ARMC2: variants seen among roughly 807,000 people sequenced by gnomAD.
ARMC2 encodes armadillo repeat containing 2.
ARMC2 carries 67 observed loss-of-function variants against 90.3 expected under a neutral mutation model. The ratio of observed to expected loss-of-function variants is 0.74; its 90% confidence interval spans 0.61 to 0.91. ARMC2 has a LOEUF of 0.91. Among genes scored for constraint, ARMC2 ranks in the 40% least tolerant of loss-of-function variants. ARMC2 has a pLI of 0.00. For synonymous variants in ARMC2, 393 were observed against 393.0 expected, an observed-to-expected ratio of 1.00 and a Z score of 0.00; for missense variants, 920 against 1,030.9, an observed-to-expected ratio of 0.89 and a Z score of 1.47.
At chr6:109,002,807 G>A in the ARMC2 span, among the ~76,000 whole-genome samples, 19 of 152,248 alleles carry the variant, frequency 1.2e-4, no homozygotes, top group South Asian at 1.0e-3. Context: ...AACACCTCAC[G>A]GTTAGAATGT....
chr6:108,858,671 C>T (rs1010495364), intron 3 of ARMC2, among the ~76,000 whole-genome samples: 1 of 145,516 alleles, frequency 6.9e-6, no homozygotes, highest in Non-Finnish European at 1.5e-5. Context: ...TATGTAGTCT[C>T]TCTATATATA....
chr6:109,022,411 CTTTTTTTTTTTTTTTTTTT>C, the ARMC2 span, among the ~76,000 whole-genome samples: 1 of 65,870 alleles, frequency 1.5e-5, no homozygotes, highest in Non-Finnish European at 2.7e-5. Context: ...TGTTCTAAAG[CTTTTTTTTTTTTTTTTTTT>C]TTTTTTTTTT....
intron 12 of ARMC2, among the ~76,000 whole-genome samples, chr6:108,949,487 CAT>C (rs745942415): frequency 1.4e-4 from 21 of 152,172 alleles, no homozygotes; most frequent in Non-Finnish European, 2.4e-4. Flanking sequence ...AACTAGAATT[CAT>C]ATAGTCTTTC....
chr6:108,914,699 A>T (rs905946544), intron 10 of ARMC2, among the ~76,000 whole-genome samples: 2 of 152,204 alleles, frequency 1.3e-5, no homozygotes, highest in Non-Finnish European at 2.9e-5. Context: ...TCATTTGCAG[A>T]ATCCCCTGAA....
At chr6:109,017,032 T>A in the ARMC2 span, among the ~76,000 whole-genome samples, 1 of 152,156 alleles carries the variant, frequency 6.6e-6, no homozygotes, top group South Asian at 2.1e-4. Flanking sequence ...ATATATTTTA[T>A]ATTTTATATG....
Position 108,854,207 on chromosome 6 carries a change from T to C in ARMC2, c.-43-18T>C. Reference sequence around the variant, plus strand: ...CCTGGACAAAAATAATGATGGTTTTTGTACCATGTATTTGCAGGGTGTGGT... The same window carrying C: ...CCTGGACAAAAATAATGATGGTTTTCGTACCATGTATTTGCAGGGTGTGGT... On this transcript the variant is annotated intron_variant, in intron 1 of 17. Transcript: ENST00000392644. 1 of 1,311,906 alleles carries C rather than the reference T, an allele frequency of 7.6e-7. No individual in the cohort carries two copies. Among genetic ancestry groups the C allele is most frequent in the Non-Finnish European group, 1.1e-6 (1 of 938,130 alleles). The allele number at this position is 1,311,906 out of a possible 1,614,324, so 81.3% of individuals were successfully genotyped here.
chr6:108,876,272 A>T lies in ARMC2; in HGVS notation c.593A>T (p.Asp198Val). 1 of 1,612,944 alleles carries T rather than the reference A, an allele frequency of 6.2e-7. No individual in the cohort carries two copies. Among genetic ancestry groups the T allele is most frequent in the South Asian group, 1.1e-5 (1 of 90,622 alleles). ...LKSHPLQLTD[D>V]GGFSEIKEQE... ...AGTCACCCACTTCAGCTAACTGATG[A>T]TGGAGGCTTCAGTGAAATAAAGGAG... Residue 198 changes from aspartate to valine, a missense_variant, in exon 5 of 18, where the codon GAT (aspartate) becomes GTT (valine). By Grantham distance (152) the Asp-to-Val change is radical. Coordinates refer to ENST00000392644, the MANE Select transcript of ARMC2 (RefSeq NM_032131.6).
In ARMC2 at chr6:108,965,060, G is replaced by C; in HGVS notation, c.2366G>C (p.Ser789Thr). Residue 789 changes from serine to threonine, a missense_variant, in exon 17 of 18, where the codon AGT becomes ACT. Ser to Thr is a moderately conservative substitution (Grantham distance 58, BLOSUM62 1). Coordinates refer to ENST00000392644, the MANE Select transcript of ARMC2 (RefSeq NM_032131.6). ...CLVCKTLWNF[S>T]ENITNASSCF... ...GTTTGTAAAACTTTATGGAACTTCA[G>C]TGAAAACATCACTAATGCTTCGTCA... 6.2e-7 allele frequency: 1 copy of C among 1,613,716 alleles called. No homozygotes were observed. The highest frequency in any genetic ancestry group is 8.5e-7 in the Non-Finnish European group (1 of 1,179,670).
At chr6:108,959,932 C>T (rs1487854144) in intron 13 of ARMC2, among the ~76,000 whole-genome samples, 6 of 152,014 alleles carry the variant, frequency 3.9e-5, no homozygotes, top group East Asian at 1.9e-4. Flanking sequence ...GTGATCAGCC[C>T]GCCTTGGCTT....
chr6:108,928,310 G>T, intron 11 of ARMC2, 77 bp downstream of exon 11: 1 of 1,331,724 alleles, frequency 7.5e-7, no homozygotes, highest in Non-Finnish European at 9.8e-7. Flanking sequence ...ATATTTGCTT[G>T]TGTGACTGGC....
At chr6:109,037,044 G>A in the ARMC2 span, among the ~76,000 whole-genome samples, 15 of 152,110 alleles carry the variant, frequency 9.9e-5, no homozygotes, top group African/African-American at 3.6e-4. Context: ...ATAATGTGCT[G>A]CCAAAATATA....
chr6:109,008,896 CTT>C, the ARMC2 span: 1 of 986,446 alleles, frequency 1.0e-6, no homozygotes, highest in African/African-American at 1.7e-5. Flanking sequence ...CTTTCTCTCT[CTT>C]TTAAGTAGGA....
At chr6:108,872,484 C>T (rs900519281) in intron 4 of ARMC2, among the ~76,000 whole-genome samples, 3 of 152,194 alleles carry the variant, frequency 2.0e-5, no homozygotes, top group African/African-American at 4.8e-5. Flanking sequence ...ATCCCTCTTG[C>T]CTCATCCTGT....
intron 5 of ARMC2, among the ~76,000 whole-genome samples, chr6:108,878,303 C>T (rs1160493515): frequency 1.3e-5 from 2 of 152,044 alleles, no homozygotes; most frequent in African/African-American, 4.8e-5. Flanking sequence ...CATCTTTAGA[C>T]CATAAAGTGG....
chr6:108,932,442 A>G (rs984941707), intron 11 of ARMC2, among the ~76,000 whole-genome samples: 6 of 149,106 alleles, frequency 4.0e-5, no homozygotes, highest in African/African-American at 1.5e-4. Context: ...GAAGGGGTCC[A>G]GCTTCAGTCT....
At chr6:108,992,951 TTGATTTTACCCAAAGGAGTAAAAA>T in the ARMC2 span, 1 of 1,218,386 alleles carries the variant, frequency 8.2e-7, no homozygotes, top group East Asian at 2.3e-5. Flanking sequence ...CTAGTTAAAA[TTGATTTTACCCAAAGGAGTAAAAA>T]TGGCATAACT....
intron 12 of ARMC2, 118 bp downstream of exon 12, chr6:108,937,117 A>AATGT (rs1776018244): frequency 3.4e-6 from 3 of 874,820 alleles, no homozygotes; most frequent in Non-Finnish European, 5.1e-6. Context: ...ACTTCCATTA[A>AATGT]ATGTATAATG....
intron 5 of ARMC2, among the ~76,000 whole-genome samples, chr6:108,890,302 A>T (rs768995308): frequency 6.6e-6 from 1 of 151,228 alleles, no homozygotes; most frequent in Admixed American, 6.6e-5. Context: ...CTTTAGCTCA[A>T]TAAGATTTGA....
At chr6:109,024,756 A>G in the ARMC2 span, among the ~76,000 whole-genome samples, 1 of 152,188 alleles carries the variant, frequency 6.6e-6, no homozygotes, top group Non-Finnish European at 1.5e-5. Flanking sequence ...CTTTGTGATT[A>G]TGTGGCTGAG....
Sources: allele counts gnomAD v4.1 joint callset (sites outside exome capture counted in the v4.1 genomes callset), GRCh38; gene constraint gnomAD v4.1.1; transcripts MANE v1.5; gene names NCBI Gene and HGNC (gene_info 2026-07-23, HGNC 2026-07-21).